GLCCI1: variants seen among roughly 807,000 people sequenced by gnomAD.
The protein encoded by GLCCI1 is glucocorticoid-induced transcript 1 protein.
In GLCCI1, 24 loss-of-function variants were observed where a neutral mutation model predicts 52.2. That is an observed-to-expected ratio of 0.46 (90% CI 0.33 to 0.65). The LOEUF (loss-of-function observed/expected upper bound fraction) is 0.65, where lower values mean the gene tolerates loss of function less well. Among genes scored for constraint, GLCCI1 ranks in the 30% least tolerant of loss-of-function variants. The pLI is 0.02. For synonymous variants in GLCCI1, 310 were observed against 276.5 expected (o/e 1.12, Z -1.20); for missense variants, 704 against 701.5 (o/e 1.00, Z -0.04).
chr7:8,039,492 A>C (rs1781948636), intron 3 of GLCCI1, among the ~76,000 whole-genome samples: 1 of 152,226 alleles, frequency 6.6e-6, no homozygotes, highest in Non-Finnish European at 1.5e-5. Flanking sequence ...TTGTAGCAAC[A>C]TGGATAGAAC....
At chr7:8,044,637 C>A (rs1476521624) in intron 3 of GLCCI1, among the ~76,000 whole-genome samples, 1 of 152,200 alleles carries the variant, frequency 6.6e-6, no homozygotes, top group South Asian at 2.1e-4. Flanking sequence ...TCTCAAAGTG[C>A]TAAAATTACA....
At chr7:8,007,238 G>C (rs2115429632) in intron 2 of GLCCI1, among the ~76,000 whole-genome samples, 1 of 152,248 alleles carries the variant, frequency 6.6e-6, no homozygotes, top group Middle Eastern at 3.4e-3. Context: ...TACAGATGAG[G>C]AACCTGAGGC....
At chr7:8,075,099 T>C (rs1306055392) in intron 6 of GLCCI1, among the ~76,000 whole-genome samples, 2 of 152,238 alleles carry the variant, frequency 1.3e-5, no homozygotes, top group African/African-American at 2.4e-5. Context: ...CTATTCGCTA[T>C]GAATTATGTA....
chr7:7,981,251 T>C (rs1358197747), intron 1 of GLCCI1: 1 of 246,872 alleles, frequency 4.1e-6, no homozygotes, highest in Non-Finnish European at 7.8e-6. Flanking sequence ...TCTTTCTTTC[T>C]TTCTTTCTCT....
chr7:7,971,633 A>G (rs1456493016), intron 1 of GLCCI1, among the ~76,000 whole-genome samples: 1 of 152,204 alleles, frequency 6.6e-6, no homozygotes, highest in Non-Finnish European at 1.5e-5. Flanking sequence ...ACATCTTACA[A>G]CGGATAATAG....
At position 8,060,109 on chromosome 7, in the gene GLCCI1, G is replaced by C. The variant is rs1229578328; in HGVS notation, c.827G>C (p.Arg276Thr). The C allele has an allele frequency of 1.2e-6, 2 of 1,612,888 alleles. No individual in the cohort carries two copies. Among genetic ancestry groups the C allele is most frequent in the Non-Finnish European group, 1.7e-6 (2 of 1,179,580 alleles). Residue 276 changes from arginine to threonine, a missense_variant, in exon 5 of 8, where the codon AGG (arginine) becomes ACG (threonine). By Grantham distance (71) the Arg-to-Thr change is moderately conservative. Around this residue, in one of 3 missense-constraint regions of GLCCI1, gnomAD observed 547 missense variants for 524.8 expected, o/e 1.04. Transcript: ENST00000223145. ...CTTATCTCATAGGCTACTGGATCAAGGTCAGTTCCTATGCCACTGTCAAAT... is the reference window on the plus strand; with the variant it reads ...CTTATCTCATAGGCTACTGGATCAACGTCAGTTCCTATGCCACTGTCAAAT... ...TISHTQATGS[R>T]SVPMPLSNIS... is the part of the protein sequence containing the mutation.
chr7:8,069,295 G>T (rs1380814007), intron 5 of GLCCI1, among the ~76,000 whole-genome samples: 1 of 152,144 alleles, frequency 6.6e-6, no homozygotes, highest in Non-Finnish European at 1.5e-5. Flanking sequence ...GGCTCAAGCT[G>T]GGGGGATCCT....
At chr7:8,073,175 G>A (rs1782801011) in intron 6 of GLCCI1, among the ~76,000 whole-genome samples, 1 of 152,016 alleles carries the variant, frequency 6.6e-6, no homozygotes, top group African/African-American at 2.4e-5. Context: ...TTGAATCCTG[G>A]GAAGTTTTGG....
At chr7:8,074,145 G>C (rs1226120024) in intron 6 of GLCCI1, among the ~76,000 whole-genome samples, 2 of 152,168 alleles carry the variant, frequency 1.3e-5, no homozygotes, top group Non-Finnish European at 2.9e-5. Context: ...CTGGAGAGTG[G>C]AGAAATAGAG....
intron 5 of GLCCI1, among the ~76,000 whole-genome samples, chr7:8,064,924 G>A (rs1782598219): frequency 6.6e-6 from 1 of 151,944 alleles, no homozygotes; most frequent in African/African-American, 2.4e-5. Context: ...CACTGTGTTG[G>A]CCAGGATGGT....
At chr7:8,055,410 C>T (rs564750794) in intron 3 of GLCCI1, 23 bp from the exon 4 acceptor site, 18 of 1,472,624 alleles carry the variant, frequency 1.2e-5, no homozygotes, top group Non-Finnish European at 1.7e-5. Context: ...TCTCTTCTTA[C>T]TTCTCTTTCC....
intron 1 of GLCCI1, among the ~76,000 whole-genome samples, chr7:8,003,367 CT>C (rs1781083298): frequency 6.6e-6 from 1 of 152,106 alleles, no homozygotes; most frequent in African/African-American, 2.4e-5. Flanking sequence ...TGTATTTTAC[CT>C]TTGGAAAAAC....
rs149305585 is a variant in GLCCI1, at chr7:8,029,002, C to T, written c.696+6433C>T. On this transcript the variant is annotated intron_variant, in intron 3 of 7. Coordinates refer to ENST00000223145, the MANE Select transcript of GLCCI1 (RefSeq NM_138426.4). ...AAAGCCTGGGACCCAATGGCTTCAC[C>T]GCTGAATTCTACCAAACATTTAAAG... Among the ~76,000 whole-genome samples the T allele has an allele frequency of 7.1e-3, 1,081 of 152,184 alleles. 6 individuals carry two copies. Among genetic ancestry groups the T allele is most frequent in the South Asian group, 0.022 (107 of 4,804 alleles).
chr7:8,056,532 A>G (rs1782402137), intron 4 of GLCCI1, among the ~76,000 whole-genome samples: 1 of 152,228 alleles, frequency 6.6e-6, no homozygotes, highest in Non-Finnish European at 1.5e-5. Context: ...CTAGAAGTAA[A>G]TACTAACATA....
At chr7:8,085,613 C>T (rs1292119338) in intron 7 of GLCCI1, among the ~76,000 whole-genome samples, 3 of 152,124 alleles carry the variant, frequency 2.0e-5, no homozygotes, top group African/African-American at 7.2e-5. Flanking sequence ...GTGCAGTGCT[C>T]TTGCAACATA....
intron 3 of GLCCI1, among the ~76,000 whole-genome samples, chr7:8,042,282 T>C (rs114651530): frequency 0.027 from 4,089 of 152,326 alleles, 184 homozygotes; most frequent in African/African-American, 0.091. Flanking sequence ...ACAGGTACCA[T>C]AGATAATGAT....
intron 1 of GLCCI1, among the ~76,000 whole-genome samples, chr7:8,002,967 C>A (rs139504797): frequency 6.6e-6 from 1 of 152,108 alleles, no homozygotes; most frequent in African/African-American, 2.4e-5. Flanking sequence ...TACCTCTGTC[C>A]CTTGTTTGCA....
chr7:8,085,259 C>G (rs548467543), intron 7 of GLCCI1, among the ~76,000 whole-genome samples: 1 of 152,308 alleles, frequency 6.6e-6, no homozygotes, highest in South Asian at 2.1e-4. Context: ...CCTGAAAAAT[C>G]TATTTTTAAT....
intron 1 of GLCCI1, among the ~76,000 whole-genome samples, chr7:7,974,925 C>G (rs1015932661): frequency 3.9e-5 from 6 of 152,170 alleles, no homozygotes; most frequent in African/African-American, 1.4e-4. Flanking sequence ...GAAGCTAAAT[C>G]ACTGACACTC....
Sources: gnomAD v4.1 joint callset for allele counts (sites outside exome capture counted in the v4.1 genomes callset) on GRCh38, gnomAD v4.1.1 for gene constraint, gnomAD v4.1.1 regional missense constraint, MANE v1.5 for transcripts, NCBI Gene and HGNC (gene_info 2026-07-23, HGNC 2026-07-21) for gene names.